The following DMD variants were observed in gnomAD, a reference collection of about 807,000 sequenced individuals.
The protein encoded by DMD is dystrophin.
Under a neutral mutation model 330.1 loss-of-function variants are expected in DMD, and 63 were observed. That is an observed-to-expected ratio of 0.19 (90% CI 0.16 to 0.24). The LOEUF (loss-of-function observed/expected upper bound fraction) is 0.24. Ranked by LOEUF, DMD falls within the 10% of genes least tolerant of loss-of-function variation. DMD has a pLI of 1.00. For synonymous variants in DMD, 1,223 were observed against 959.8 expected, an observed-to-expected ratio of 1.27 and a Z score of -5.07; for missense variants, 3,344 against 2,684.1, an observed-to-expected ratio of 1.25 and a Z score of -5.43.
At chrX:33,147,832 A>C (rs1483949786) in intron 1 of DMD, among the ~76,000 whole-genome samples, 1 of 112,056 alleles carries the variant, frequency 8.9e-6, no homozygotes, top group African/African-American at 3.2e-5. Context: ...CAAAATATAT[A>C]AATTTTATCA....
chrX:33,005,519 G>A (rs761105687), intron 2 of DMD, among the ~76,000 whole-genome samples: 31 of 107,966 alleles, frequency 2.9e-4, no homozygotes, highest in African/African-American at 1.0e-3. Context: ...CAGAAAACAT[G>A]AGCAATGCAA....
At chrX:32,229,493 C>T (rs2097159874) in intron 43 of DMD, among the ~76,000 whole-genome samples, 2 of 104,681 alleles carry the variant, frequency 1.9e-5, no homozygotes, top group African/African-American at 6.9e-5. Flanking sequence ...TTTTCTATAC[C>T]TTCCTCCATG....
intron 60 of DMD, among the ~76,000 whole-genome samples, chrX:31,369,041 A>AAGGCAAATGTGAATACCATT (rs2059409117): frequency 8.9e-6 from 1 of 111,888 alleles, no homozygotes; most frequent in Non-Finnish European, 1.9e-5. Context: ...ACTCTTGGAG[A>AAGGCAAATGTGAATACCATT]AGGCAAATGT....
intron 44 of DMD, among the ~76,000 whole-genome samples, chrX:32,190,583 T>TATATA (rs1349313245): frequency 1.0e-5 from 1 of 96,425 alleles, no homozygotes; most frequent in Non-Finnish European, 2.1e-5. Context: ...TATATATATA[T>TATATA]ATTTCACCAC....
chrX:31,371,113 C>T (rs761023348), intron 60 of DMD, among the ~76,000 whole-genome samples: 1 of 111,293 alleles, frequency 9.0e-6, no homozygotes, highest in Non-Finnish European at 1.9e-5. Flanking sequence ...ACAATATTGA[C>T]GTCAAAATCC....
chrX:32,725,986 A>C (rs1278753308), intron 7 of DMD, among the ~76,000 whole-genome samples: 1 of 110,918 alleles, frequency 9.0e-6, no homozygotes, highest in Non-Finnish European at 1.9e-5. Context: ...ATGTACCCAC[A>C]AAAATTTAAA....
chrX:32,123,741 T>C (rs1160888949), intron 44 of DMD, among the ~76,000 whole-genome samples: 1 of 111,820 alleles, frequency 8.9e-6, no homozygotes, highest in Non-Finnish European at 1.9e-5. Context: ...GCTTTATTCA[T>C]CTTTATGTCT....
chrX:32,946,061 A>C (rs1351424407), intron 2 of DMD, among the ~76,000 whole-genome samples: 1 of 111,723 alleles, frequency 9.0e-6, no homozygotes, highest in East Asian at 2.8e-4. Context: ...GGAATTTTGT[A>C]AACAGATAAT....
At chrX:31,325,153 C>G in intron 61 of DMD, among the ~76,000 whole-genome samples, 1 of 111,501 alleles carries the variant, frequency 9.0e-6, no homozygotes. Context: ...TTTCTCTATT[C>G]CTTTCTTTTC....
chrX:31,766,434 T>G, intron 51 of DMD, among the ~76,000 whole-genome samples: 1 of 111,603 alleles, frequency 9.0e-6, no homozygotes, highest in African/African-American at 3.3e-5. Flanking sequence ...AATTTTGTAT[T>G]TTTAGTAGAG....
rs200987977 is a variant in DMD at position 32,755,944 on chromosome X, G to A, written c.649+53549C>T. ...ATCAGCAAGCTTAATCTAGGGCAAA[G>A]AAGAATACAATTGTGATTGCAAATA... is the stretch of plus-strand genomic sequence containing the variant. On this transcript the variant is annotated intron_variant, in intron 7 of 78. Coordinates refer to ENST00000357033, the MANE Select transcript of DMD (RefSeq NM_004006.3). 1.9e-4 allele frequency among the ~76,000 whole-genome samples: 21 copies of A among 112,275 alleles called. No individual in the cohort carries two copies. In the East Asian group the frequency reaches 3.9e-3, roughly 21 times the overall value.
At chrX:32,656,456 T>C (rs1569409904) in intron 9 of DMD, among the ~76,000 whole-genome samples, 1 of 112,148 alleles carries the variant, frequency 8.9e-6, no homozygotes, top group Non-Finnish European at 1.9e-5. Context: ...AGTTCATCCA[T>C]CCTTGTGTTT....
intron 59 of DMD, among the ~76,000 whole-genome samples, chrX:31,448,620 G>C (rs937864666): frequency 1.8e-5 from 2 of 112,371 alleles, no homozygotes; most frequent in African/African-American, 6.5e-5. Context: ...GCAATACGAG[G>C]TGCTATTTAA....
chrX:32,685,592 C>T (rs1408661543), intron 9 of DMD, among the ~76,000 whole-genome samples: 2 of 111,630 alleles, frequency 1.8e-5, no homozygotes, highest in African/African-American at 6.5e-5. Context: ...GTGAAGTAAT[C>T]CCATTGTTAT....
intron 22 of DMD, among the ~76,000 whole-genome samples, chrX:32,471,851 G>T (rs2040665360): frequency 9.0e-6 from 1 of 111,625 alleles, no homozygotes; most frequent in Non-Finnish European, 1.9e-5. Flanking sequence ...AGAAGCAAAG[G>T]TGGGGAATAA....
At chrX:31,755,353 T>A (rs1175934143) in intron 51 of DMD, among the ~76,000 whole-genome samples, 1 of 112,155 alleles carries the variant, frequency 8.9e-6, no homozygotes, top group Admixed American at 9.5e-5. Flanking sequence ...GCCTAAACTA[T>A]GCTTTGTTTC....
At chrX:32,265,104 C>CA (rs2097338774) in intron 43 of DMD, among the ~76,000 whole-genome samples, 1 of 112,304 alleles carries the variant, frequency 8.9e-6, no homozygotes. Flanking sequence ...CAGAAGTTTT[C>CA]ATGGCAGCCC....
At chrX:31,750,129 G>C (rs1022635110) in intron 51 of DMD, among the ~76,000 whole-genome samples, 1 of 110,299 alleles carries the variant, frequency 9.1e-6, no homozygotes, top group Non-Finnish European at 1.9e-5. Context: ...CTTTTGCTGT[G>C]CAGAAGCTCT....
intron 50 of DMD, among the ~76,000 whole-genome samples, chrX:31,785,863 G>A (rs1342608356): frequency 8.9e-6 from 1 of 111,764 alleles, no homozygotes; most frequent in African/African-American, 3.3e-5. Context: ...ATGGACATTT[G>A]GGTTGGTTCC....
Sources: allele counts gnomAD v4.1 joint callset (sites outside exome capture counted in the v4.1 genomes callset), GRCh38; gene constraint gnomAD v4.1.1; transcripts MANE v1.5; gene names NCBI Gene and HGNC (gene_info 2026-07-23, HGNC 2026-07-21).